GRIP1: variants seen among roughly 807,000 people sequenced by gnomAD.
GRIP1 encodes glutamate receptor-interacting protein 1.
A neutral mutation model predicts 129.9 loss-of-function variants in GRIP1; 45 were observed. That is an observed-to-expected ratio of 0.35 (90% CI 0.27 to 0.44). The LOEUF is 0.44. Ranked by LOEUF, GRIP1 falls within the 20% of genes least tolerant of loss-of-function variation. The pLI is 1.00. For missense variants in GRIP1, 1,196 were observed against 1,396.8 expected, an observed-to-expected ratio of 0.86 and a Z score of 2.29; for synonymous variants, 530 against 520.8, an observed-to-expected ratio of 1.02 and a Z score of -0.24.
chr12:66,901,736 A>C (rs1314903364), intron 1 of GRIP1, among the ~76,000 whole-genome samples: 1 of 152,170 alleles, frequency 6.6e-6, no homozygotes, highest in African/African-American at 2.4e-5. Context: ...TCCAAGTCTC[A>C]TATCCGGTCT....
chr12:66,986,927 A>G (rs914567596), intron 1 of GRIP1, among the ~76,000 whole-genome samples: 1 of 152,088 alleles, frequency 6.6e-6, no homozygotes, highest in Non-Finnish European at 1.5e-5. Context: ...CCTACTAGAA[A>G]TTCTAAGAAG....
chr12:66,718,597 T>C (rs1308003741), intron 1 of GRIP1, among the ~76,000 whole-genome samples: 1 of 152,090 alleles, frequency 6.6e-6, no homozygotes, highest in Admixed American at 6.6e-5. Context: ...ATGCCTGTAA[T>C]CCCAGCACTT....
intron 1 of GRIP1, among the ~76,000 whole-genome samples, chr12:67,001,740 T>G (rs2042553764): frequency 6.6e-6 from 1 of 152,096 alleles, no homozygotes; most frequent in African/African-American, 2.4e-5. Context: ...CCACTCACTC[T>G]TGTCTCACCT....
intron 1 of GRIP1, among the ~76,000 whole-genome samples, chr12:66,649,778 T>C (rs1396080016): frequency 3.9e-5 from 6 of 152,162 alleles, no homozygotes; most frequent in African/African-American, 1.2e-4. Flanking sequence ...AAAATCGATA[T>C]GTCAGGAAGA....
Position 66,785,343 on chromosome 12 carries a change from C to CATACATACATATATATATATATAT in GRIP1, c.-420+18709_-420+18710insATATATATATATATATGTATGTAT, listed in dbSNP as rs377630345. Among the ~76,000 whole-genome samples the CATACATACATATATATATATATAT allele has an allele frequency of 1.6e-3, 115 of 72,734 alleles. 1 individual carries two copies. Among genetic ancestry groups the CATACATACATATATATATATATAT allele is most frequent in the African/African-American group, 4.2e-3 (82 of 19,690 alleles). The allele number at this position is 72,734 out of a possible 152,430, so 47.7% of individuals were successfully genotyped here. A position where few individuals can be genotyped will look rare whatever the true frequency, so the allele number is the denominator to read the frequency against. The stretch of plus-strand genomic sequence containing the variant: ...ACATACATACATACATACATACATA[C>CATACATACATATATATATATATAT]ATATATATATATATATATATTAGTT... On this transcript the variant is annotated intron_variant, in intron 1 of 4. Coordinates refer to the GRIP1 transcript ENST00000538373.
At chr12:66,871,462 C>T (rs1321690325) in intron 1 of GRIP1, among the ~76,000 whole-genome samples, 5 of 152,018 alleles carry the variant, frequency 3.3e-5, no homozygotes, top group Non-Finnish European at 7.4e-5. Flanking sequence ...GCAGTTTGTG[C>T]CTCAGTTTCC....
chr12:66,993,319 C>A (rs1387433551), intron 1 of GRIP1, among the ~76,000 whole-genome samples: 2 of 151,740 alleles, frequency 1.3e-5, no homozygotes, highest in African/African-American at 4.8e-5. Context: ...GAAACTAAAC[C>A]TGCAACAATC....
intron 1 of GRIP1, among the ~76,000 whole-genome samples, chr12:66,647,619 AAAG>A (rs953611450): frequency 2.0e-5 from 3 of 152,244 alleles, no homozygotes; most frequent in African/African-American, 7.2e-5. Flanking sequence ...AAAGGAAGAG[AAAG>A]AAGGCTAACC....
intron 2 of GRIP1, among the ~76,000 whole-genome samples, chr12:66,571,905 C>T (rs1007965639): frequency 6.6e-6 from 1 of 152,152 alleles, no homozygotes; most frequent in East Asian, 1.9e-4. Flanking sequence ...TGAGTGTTTG[C>T]ATATGAGGCA....
rs146121865 is a variant in GRIP1, at chr12:66,686,305, G to A, written c.-419-55969C>T. 2.4e-3 allele frequency among the ~76,000 whole-genome samples: 363 copies of A among 152,274 alleles called. 1 individual carries two copies. The highest frequency in any genetic ancestry group is 5.7e-3 in the African/African-American group (235 of 41,554). ...TGTTCACTGAAGTCAGAGGCAGCAA[G>A]AGCAACAAAGAAAAAGGCAAAGTAA... On this transcript the variant is annotated intron_variant, in intron 1 of 4. Coordinates refer to the GRIP1 transcript ENST00000538373.
chr12:66,803,598 C>T (rs1022449025), intron 1 of GRIP1, among the ~76,000 whole-genome samples: 1 of 152,192 alleles, frequency 6.6e-6, no homozygotes, highest in African/African-American at 2.4e-5. Context: ...GTACAAACAA[C>T]ACCTGAGATT....
In GRIP1 at chr12:66,517,972, T is replaced by TC; in HGVS notation, c.506dup (p.Ala170SerfsTer3). 6.3e-7 allele frequency: 1 copy of TC among 1,576,136 alleles called. No individual in the cohort carries two copies. Among genetic ancestry groups the TC allele is most frequent in the Non-Finnish European group, 8.7e-7 (1 of 1,145,734 alleles). On this transcript the variant is annotated frameshift_variant, in exon 6 of 25. Coordinates refer to ENST00000359742, the MANE Select transcript of GRIP1 (RefSeq NM_001366722.1). LOFTEE classifies it high-confidence loss of function. The stretch of plus-strand genomic sequence containing the variant: ...GAGATTTATTTCTATCATCATGTGC[T>TC]CCCCCTAGCAAAGAAAAGGAACAGA...
intron 1 of GRIP1, among the ~76,000 whole-genome samples, chr12:66,715,282 C>G (rs1410193638): frequency 6.6e-6 from 1 of 151,974 alleles, no homozygotes; most frequent in South Asian, 2.1e-4. Flanking sequence ...ACTACTTGTG[C>G]TTTCTGGAGC....
intron 14 of GRIP1, among the ~76,000 whole-genome samples, chr12:66,420,998 C>T (rs1015285007): frequency 6.6e-6 from 1 of 152,176 alleles, no homozygotes; most frequent in Non-Finnish European, 1.5e-5. Context: ...AGCAATGCCA[C>T]TTTAAATTTG....
At chr12:66,591,854 A>G (rs1198555674) in intron 2 of GRIP1, among the ~76,000 whole-genome samples, 1 of 151,954 alleles carries the variant, frequency 6.6e-6, no homozygotes, top group Non-Finnish European at 1.5e-5. Context: ...GTAACTCCCA[A>G]GCTGAAGAGA....
intron 1 of GRIP1, among the ~76,000 whole-genome samples, chr12:66,641,636 T>C (rs904859336): frequency 6.6e-6 from 1 of 152,126 alleles, no homozygotes; most frequent in Non-Finnish European, 1.5e-5. Flanking sequence ...AGAACTAAAA[T>C]GGGAGCTGAG....
chr12:66,543,150 G>C (rs972670274), intron 2 of GRIP1, among the ~76,000 whole-genome samples: 1 of 152,124 alleles, frequency 6.6e-6, no homozygotes, highest in Non-Finnish European at 1.5e-5. Flanking sequence ...GAGGAGAACA[G>C]AGTACTTGGG....
At chr12:66,864,436 C>T (rs1342319735) in intron 1 of GRIP1, among the ~76,000 whole-genome samples, 1 of 152,056 alleles carries the variant, frequency 6.6e-6, no homozygotes, top group Non-Finnish European at 1.5e-5. Context: ...CTGTTTAGGG[C>T]TGGGTGTGGT....
intron 1 of GRIP1, among the ~76,000 whole-genome samples, chr12:67,035,321 AG>A (rs1565649232): frequency 6.6e-6 from 1 of 152,144 alleles, no homozygotes; most frequent in Non-Finnish European, 1.5e-5. Context: ...CCCCCTCAGC[AG>A]GGTGTGCATG....
Sources: gnomAD v4.1 joint callset for allele counts (sites outside exome capture counted in the v4.1 genomes callset) on GRCh38, gnomAD v4.1.1 for gene constraint, MANE v1.5 for transcripts, NCBI Gene and HGNC (gene_info 2026-07-23, HGNC 2026-07-21) for gene names.